The following TMEM94 variants were observed in gnomAD, a reference collection of about 807,000 sequenced individuals.
TMEM94 encodes the protein transmembrane protein 94.
Under a neutral mutation model 158.6 loss-of-function variants are expected in TMEM94, and 81 were observed. The ratio of observed to expected loss-of-function variants is 0.51; its 90% CI spans 0.43 to 0.61. TMEM94 has a LOEUF of 0.61. TMEM94 is among the 20% of genes least tolerant of loss of function. TMEM94 has a pLI of 0.00. For synonymous variants in TMEM94, 751 were observed against 730.7 expected, an observed-to-expected ratio of 1.03 and a Z score of -0.45; for missense variants, 1,435 against 1,762.0, an observed-to-expected ratio of 0.81 and a Z score of 3.32.
chr17:75,458,758 A>C (rs1251744478), intron 1 of TMEM94, among the ~76,000 whole-genome samples: 1 of 151,684 alleles, frequency 6.6e-6, no homozygotes, highest in Admixed American at 6.6e-5. Context: ...ATCAGAGCAC[A>C]TTAAAATGTA....
chr17:75,457,326 C>T (rs1306955859), intron 1 of TMEM94: 1 of 152,340 alleles, frequency 6.6e-6, no homozygotes, highest in Non-Finnish European at 1.5e-5. Context: ...AGCTCACCAT[C>T]CATGCCATCG....
At position 75,485,431 on chromosome 17, in the gene TMEM94, G is replaced by A. The variant is rs145091767; in HGVS notation, c.28G>A (p.Glu10Lys). The A allele has an allele frequency of 9.3e-6, 15 of 1,610,726 alleles. No homozygotes were observed. The highest frequency in any genetic ancestry group is 2.2e-5 in the South Asian group (2 of 91,046). MDLKEKHLGEPPSALGLSTR... is the reference protein window; with the variant it reads MDLKEKHLGKPPSALGLSTR... The stretch of plus-strand genomic sequence containing the variant: ...AGCGCCTCCTGCTTGCCTGCAGGGC[G>A]AGCCTCCCTCAGCCCTGGGCCTGTC... The change falls in exon 3 of 32, where the codon GAG becomes AAG. Residue 10 changes from glutamate to lysine, a missense_variant. Physicochemically the swap from Glu to Lys is moderately conservative, Grantham distance 56 (BLOSUM62 1). Transcript: ENST00000314256. This position sits in a 1 kb window ranked among gnomAD's most constrained non-coding sequence, Gnocchi z 5.5.
intron 2 of TMEM94, among the ~76,000 whole-genome samples, chr17:75,479,842 T>G (rs1173806578): frequency 6.6e-6 from 1 of 152,150 alleles, no homozygotes; most frequent in African/African-American, 2.4e-5. Flanking sequence ...TACCTGAGCC[T>G]GGGAAGTCAA....
chr17:75,478,948 G>C (rs2050936193), intron 2 of TMEM94, among the ~76,000 whole-genome samples: 1 of 152,142 alleles, frequency 6.6e-6, no homozygotes, highest in South Asian at 2.1e-4. Context: ...GGCGACCTCA[G>C]CTTGTGTGTG....
chr17:75,498,476 A>T lies in TMEM94; in HGVS notation c.3671A>T (p.Asp1224Val). 6.3e-7 allele frequency: 1 copy of T among 1,590,018 alleles called. No homozygotes were observed. The highest frequency in any genetic ancestry group is 8.6e-7 in the Non-Finnish European group (1 of 1,166,610). The change falls in exon 29 of 32, where the codon GAC (aspartate) becomes GTC (valine). Residue 1224 changes from aspartate to valine, a missense_variant. Asp to Val is a radical substitution (Grantham distance 152). Transcript: ENST00000314256. The surrounding 1 kb of genome is among the most constrained non-coding windows in gnomAD (Gnocchi z 6.7). ...NDDRAPAWFEDFANGLLSAQK... is the reference protein window; with the variant it reads ...NDDRAPAWFEVFANGLLSAQK... The stretch of plus-strand genomic sequence containing the variant: ...GACAGGGCTCCAGCCTGGTTTGAGG[A>T]CTTTGCCAATGGACTGCTGTCGGCT...
intron 4 of TMEM94, 145 bp downstream of exon 4, chr17:75,486,143 G>A: frequency 6.9e-7 from 1 of 1,447,718 alleles, no homozygotes; most frequent in South Asian, 1.3e-5. Flanking sequence ...CCTTGAATGG[G>A]GTCAGAGGCC....
At chr17:75,497,089 C>A (rs750365873) in intron 25 of TMEM94, 24 bp from the exon 26 acceptor site, 1 of 1,603,276 alleles carries the variant, frequency 6.2e-7, no homozygotes, top group South Asian at 1.1e-5. Context: ...TGAACTGTGG[C>A]TCTTGGCTTC....
Position 75,498,413 on chromosome 17 carries a change from G to T in TMEM94, c.3639-31G>T. 2 of 1,604,854 alleles carry T rather than the reference G, an allele frequency of 1.2e-6. No homozygotes were observed. Among genetic ancestry groups the T allele is most frequent in the Non-Finnish European group, 1.7e-6 (2 of 1,174,796 alleles). ...CCCAGCCTACCTCCCTGCGGCCCTAGAGGGGCTGAGCCCATGCCTCACTTT... is the reference window on the plus strand; with the variant it reads ...CCCAGCCTACCTCCCTGCGGCCCTATAGGGGCTGAGCCCATGCCTCACTTT... On this transcript the variant is annotated intron_variant, in intron 28 of 31. Coordinates refer to ENST00000314256, the MANE Select transcript of TMEM94 (RefSeq NM_014738.6). This position sits in a 1 kb window ranked among gnomAD's most constrained non-coding sequence, Gnocchi z 6.7.
intron 2 of TMEM94, among the ~76,000 whole-genome samples, chr17:75,479,445 G>T (rs536675130): frequency 6.6e-6 from 1 of 151,928 alleles, no homozygotes; most frequent in Non-Finnish European, 1.5e-5. Flanking sequence ...TCAGCCTCCC[G>T]AGTAGGTGAG....
intron 1 of TMEM94, among the ~76,000 whole-genome samples, chr17:75,463,682 G>A (rs2050191331): frequency 6.6e-6 from 1 of 152,124 alleles, no homozygotes; most frequent in Non-Finnish European, 1.5e-5. Context: ...CTAAGTGCAG[G>A]ACTTAATATT....
chr17:75,497,211 G>C lies in TMEM94; in HGVS notation c.3407+13G>C. ...ACCCTCTGCTCAGGTGAGATGCCAT[G>C]TATCTTCCCCACACCCCATGCCTAA... On this transcript the variant is annotated intron_variant, in intron 26 of 31. Transcript: ENST00000314256. 6.2e-7 allele frequency: 1 copy of C among 1,607,016 alleles called. No homozygotes were observed. Among genetic ancestry groups the C allele is most frequent in the Non-Finnish European group, 8.5e-7 (1 of 1,173,906 alleles).
At chr17:75,458,783 C>T (rs950631045) in intron 1 of TMEM94, among the ~76,000 whole-genome samples, 9 of 150,870 alleles carry the variant, frequency 6.0e-5, no homozygotes, top group South Asian at 2.1e-4. Context: ...ATTGGCCGGG[C>T]GCAGTGGCTC....
In TMEM94 at chr17:75,496,464, T is replaced by C. The variant is rs748013197; in HGVS notation, c.3236T>C (p.Ile1079Thr). The part of the protein sequence containing the change: ...QEETISIIRL[I>T]EQARHATYGI... ...GAGACCATCAGCATCATCCGGCTTATCGAACAGGTGGGTGCTTCGGCAGGC... is the reference window on the plus strand; with the variant it reads ...GAGACCATCAGCATCATCCGGCTTACCGAACAGGTGGGTGCTTCGGCAGGC... The change falls in exon 24 of 32, where the codon ATC becomes ACC. Residue 1079 changes from isoleucine (I) to threonine (T), a missense_variant. Physicochemically the swap from Ile to Thr is moderately conservative, Grantham distance 89. Around this residue, in one of 3 missense-constraint regions of TMEM94, gnomAD observed 335 missense variants for 409.1 expected, o/e 0.82. Coordinates refer to ENST00000314256, the MANE Select transcript of TMEM94 (RefSeq NM_014738.6). 2 of 1,612,082 alleles carry C rather than the reference T, an allele frequency of 1.2e-6. No individual in the cohort carries two copies. Among genetic ancestry groups the C allele is most frequent in the Non-Finnish European group, 1.7e-6 (2 of 1,179,000 alleles).
rs578079399 is a variant in TMEM94 at position 75,457,116 on chromosome 17, G to C, written c.-107+365G>C. ...CCTGAGTATTTATTTCGAGGCCCCT[G>C]GGAGTCCTCATCCCCGACCTAAATA... On this transcript the variant is annotated intron_variant, in intron 1 of 31. Coordinates refer to ENST00000314256, the MANE Select transcript of TMEM94 (RefSeq NM_014738.6). 5.5e-4 allele frequency among the ~76,000 whole-genome samples: 84 copies of C among 152,282 alleles called. 1 individual carries two copies. Among genetic ancestry groups the C allele is most frequent in the Admixed American group, 7.8e-4 (12 of 15,294 alleles).
chr17:75,496,631 G>A, intron 24 of TMEM94, 99 bp from the exon 25 acceptor site: 4 of 1,420,434 alleles, frequency 2.8e-6, no homozygotes, highest in Non-Finnish European at 4.0e-6. Flanking sequence ...CCTCGTAGAA[G>A]CATCCTGGGC....
Position 75,499,888 on chromosome 17 carries a change from C to T in TMEM94, c.*554C>T, listed in dbSNP as rs925823544. Reference sequence around the variant, plus strand: ...GCCTGAACCTGAAGATGGAGCAGGGCCCCCGCTTCGCCCTGGAGCCTCTTC... The same window carrying T: ...GCCTGAACCTGAAGATGGAGCAGGGTCCCCGCTTCGCCCTGGAGCCTCTTC... On this transcript the variant is annotated 3_prime_UTR_variant, in exon 32 of 32. Transcript: ENST00000314256. 1.3e-5 allele frequency: 2 copies of T among 155,250 alleles called. No individual in the cohort carries two copies. Among genetic ancestry groups the T allele is most frequent in the Non-Finnish European group, 2.9e-5 (2 of 69,650 alleles). 9.6% of individuals were successfully genotyped at this position (155,250 alleles called of 1,614,324 possible).
rs772889447 is a variant in TMEM94, at chr17:75,494,757, C to T, written c.2538C>T (p.Asn846=). 26 of 1,613,566 alleles carry T rather than the reference C, an allele frequency of 1.6e-5. No individual in the cohort carries two copies. The highest frequency in any genetic ancestry group is 3.3e-5 in the Admixed American group (2 of 60,000). ...TGCGCCTCATTGATGGGCTTGTCAA[C>T]GCCTGCATCCGCTTTGTCTACTTCT... ...DIVRLIDGLV[N]ACIRFVYFSL... is the part of the protein sequence containing the mutation. The change falls in exon 19 of 32, where the codon AAC becomes AAT. Residue 846 remains asparagine, a synonymous_variant. Transcript: ENST00000314256.
intron 18 of TMEM94, among the ~76,000 whole-genome samples, chr17:75,494,387 C>T (rs1050415177): frequency 1.3e-5 from 2 of 152,160 alleles, no homozygotes; most frequent in African/African-American, 4.8e-5. Context: ...GCCAGTACCC[C>T]CTGGGCAGGA....
At chr17:75,480,580 C>A (rs1230629128) in intron 2 of TMEM94, among the ~76,000 whole-genome samples, 1 of 152,202 alleles carries the variant, frequency 6.6e-6, no homozygotes, top group African/African-American at 2.4e-5. Flanking sequence ...GGTGTCAGGA[C>A]AGCTGCCATG....
Sources: allele counts gnomAD v4.1 joint callset (sites outside exome capture counted in the v4.1 genomes callset), GRCh38; gene constraint gnomAD v4.1.1; regional missense constraint gnomAD v4.1.1; non-coding constraint Gnocchi (gnomAD v3.1); transcripts MANE v1.5; gene names NCBI Gene and HGNC (gene_info 2026-07-23, HGNC 2026-07-21).